LRRC8B: variants seen among roughly 807,000 people sequenced by gnomAD.
The protein encoded by LRRC8B is volume-regulated anion channel subunit LRRC8B.
Under a neutral mutation model 58.8 loss-of-function variants are expected in LRRC8B, and 23 were observed. The ratio of observed to expected loss-of-function variants is 0.39; its 90% CI spans 0.28 to 0.55. The LOEUF (loss-of-function observed/expected upper bound fraction) is 0.55. LRRC8B is among the 20% of genes least tolerant of loss of function. The pLI is 0.62. For synonymous variants in LRRC8B, 359 were observed against 374.1 expected, an observed-to-expected ratio of 0.96 and a Z score of 0.47; for missense variants, 694 against 936.0, an observed-to-expected ratio of 0.74 and a Z score of 3.37.
intron 5 of LRRC8B, among the ~76,000 whole-genome samples, chr1:89,588,504 A>G (rs1654780495): frequency 6.6e-6 from 1 of 152,220 alleles, no homozygotes; most frequent in South Asian, 2.1e-4. Context: ...AGAGGACTGA[A>G]AAAAACATAA....
chr1:89,577,698 A>G (rs966491938), intron 3 of LRRC8B, among the ~76,000 whole-genome samples: 3 of 152,192 alleles, frequency 2.0e-5, no homozygotes, highest in Admixed American at 6.5e-5. Flanking sequence ...TCCAGATGCT[A>G]TATATTTAAA....
chr1:89,538,705 T>C (rs1301897890), intron 1 of LRRC8B, among the ~76,000 whole-genome samples: 2 of 150,274 alleles, frequency 1.3e-5, no homozygotes, highest in Admixed American at 6.8e-5. Flanking sequence ...AATTAGCATC[T>C]TCGAGGTTTT....
At chr1:89,587,803 A>G (rs1654729828) in intron 5 of LRRC8B, 1 of 152,314 alleles carries the variant, frequency 6.6e-6, no homozygotes, top group South Asian at 2.1e-4. Flanking sequence ...CCAAGCTTGG[A>G]AAACAATCAG....
At chr1:89,575,810 G>A (rs527858002) in intron 3 of LRRC8B, among the ~76,000 whole-genome samples, 30 of 152,160 alleles carry the variant, frequency 2.0e-4, no homozygotes, top group Admixed American at 3.9e-4. Context: ...CTGCCTCTCC[G>A]TGGACCTCTT....
rs1188298506 is a variant in LRRC8B, at chr1:89,595,083, T to C, written c.*2040T>C. ...TGAATAATATTAGCTATCAGGAATA[T>C]AGGACACCAAACACACTGCCTCACA... On this transcript the variant is annotated 3_prime_UTR_variant, in exon 6 of 6. Coordinates refer to ENST00000330947, the MANE Select transcript of LRRC8B (RefSeq NM_001369817.2). 1.3e-5 allele frequency: 2 copies of C among 152,192 alleles called. No individual in the cohort carries two copies. Among genetic ancestry groups the C allele is most frequent in the African/African-American group, 4.8e-5 (2 of 41,450 alleles). 9.4% of individuals were successfully genotyped at this position (152,192 alleles called of 1,614,324 possible).
In LRRC8B at chr1:89,583,892, T is replaced by G; in HGVS notation, c.1242T>G (p.Leu414=). The G allele has an allele frequency of 6.2e-7, 1 of 1,614,172 alleles. No homozygotes were observed. Among genetic ancestry groups the G allele is most frequent in the Non-Finnish European group, 8.5e-7 (1 of 1,180,024 alleles). Residue 414 remains leucine (L), a synonymous_variant, in exon 5 of 6, where the codon CTT becomes CTG. Coordinates refer to ENST00000330947, the MANE Select transcript of LRRC8B (RefSeq NM_001369817.2). The surrounding 1 kb of genome is among the most constrained non-coding windows in gnomAD (Gnocchi z 5.2). ...CAGTTGAGAAACTGAAAAGTAAGCTTGTGAAAAATGCCCAGGACAAGATAG... is the reference window on the plus strand; with the variant it reads ...CAGTTGAGAAACTGAAAAGTAAGCTGGTGAAAAATGCCCAGGACAAGATAG... ...EWTVEKLKSK[L]VKNAQDKIEL... is the part of the protein sequence containing the mutation.
At chr1:89,555,187 A>T (rs1217075655) in intron 1 of LRRC8B, among the ~76,000 whole-genome samples, 3 of 152,096 alleles carry the variant, frequency 2.0e-5, no homozygotes, top group Non-Finnish European at 4.4e-5. Flanking sequence ...ATTCTATGTG[A>T]TTCATATTAG....
At chr1:89,588,667 C>T (rs540164777) in intron 5 of LRRC8B, among the ~76,000 whole-genome samples, 96 of 152,200 alleles carry the variant, frequency 6.3e-4, no homozygotes, top group Middle Eastern at 3.4e-3. Flanking sequence ...CTGGTACCTT[C>T]AAAGGAGGCT....
intron 1 of LRRC8B, among the ~76,000 whole-genome samples, chr1:89,531,461 G>A (rs1436823995): frequency 6.6e-6 from 1 of 152,196 alleles, no homozygotes; most frequent in African/African-American, 2.4e-5. Context: ...AACAGGTAAT[G>A]GTGGTAAATC....
At chr1:89,537,811 G>C (rs1650649221) in intron 1 of LRRC8B, among the ~76,000 whole-genome samples, 1 of 152,156 alleles carries the variant, frequency 6.6e-6, no homozygotes, top group Non-Finnish European at 1.5e-5. Context: ...GAGGGAGCTT[G>C]TTTGCCTCTC....
chr1:89,536,707 G>T (rs80196804), intron 1 of LRRC8B, among the ~76,000 whole-genome samples: 2,424 of 152,272 alleles, frequency 0.016, 25 homozygotes, highest in Non-Finnish European at 0.026. Flanking sequence ...TCTTGTTGGG[G>T]ATTAGGTAGT....
Position 89,593,220 on chromosome 1 carries a change from C to T in LRRC8B, c.*177C>T, listed in dbSNP as rs954761819. On this transcript the variant is annotated 3_prime_UTR_variant, in exon 6 of 6. Coordinates refer to ENST00000330947, the MANE Select transcript of LRRC8B (RefSeq NM_001369817.2). ...TGAAACCCCATCTCTGCTAAAACTA[C>T]AAAAAAATTAGCCAGGCGTGGTGGC... 4 of 595,392 alleles carry T rather than the reference C, an allele frequency of 6.7e-6. No individual in the cohort carries two copies. Among genetic ancestry groups the T allele is most frequent in the Non-Finnish European group, 1.2e-5 (4 of 343,980 alleles). The allele number at this position is 595,392 out of a possible 1,614,324, so 36.9% of individuals were successfully genotyped here. A position where few individuals can be genotyped will look rare whatever the true frequency, so the allele number is the denominator to read the frequency against.
At chr1:89,539,558 G>A (rs1650799154) in intron 1 of LRRC8B, among the ~76,000 whole-genome samples, 1 of 152,154 alleles carries the variant, frequency 6.6e-6, no homozygotes, top group African/African-American at 2.4e-5. Flanking sequence ...AGTCATGAAG[G>A]TGAAGAAAGA....
In LRRC8B at chr1:89,593,429, A is replaced by G. The variant is rs1655122274; in HGVS notation, c.*386A>G. The G allele has an allele frequency of 6.1e-6, 1 of 163,488 alleles. No individual in the cohort carries two copies. Among genetic ancestry groups the G allele is most frequent in the Admixed American group, 5.8e-5 (1 of 17,226 alleles). The allele number at this position is 163,488 out of a possible 1,614,324, so 10.1% of individuals were successfully genotyped here. A position where few individuals can be genotyped will look rare whatever the true frequency, so the allele number is the denominator to read the frequency against. ...CTTTAAATGAGAAGTAAAATTTTCT[A>G]AGTTAATAAAGATGAAGAATGGGTG... On this transcript the variant is annotated 3_prime_UTR_variant, in exon 6 of 6. Coordinates refer to ENST00000330947, the MANE Select transcript of LRRC8B (RefSeq NM_001369817.2).
intron 3 of LRRC8B, among the ~76,000 whole-genome samples, 173 bp from the exon 4 acceptor site, chr1:89,579,418 C>A (rs2101046865): frequency 6.6e-6 from 1 of 152,282 alleles, no homozygotes; most frequent in Non-Finnish European, 1.5e-5. Flanking sequence ...GTGGCTCACA[C>A]CTGTAATCCC....
At chr1:89,569,497 G>A (rs151276708) in intron 3 of LRRC8B, among the ~76,000 whole-genome samples, 38 of 152,142 alleles carry the variant, frequency 2.5e-4, no homozygotes, top group African/African-American at 8.9e-4. Context: ...CCCAGTGTCT[G>A]TTGTTCCCAT....
At chr1:89,528,195 C>T (rs1355268862) in intron 1 of LRRC8B, among the ~76,000 whole-genome samples, 1 of 152,140 alleles carries the variant, frequency 6.6e-6, no homozygotes, top group East Asian at 1.9e-4. Flanking sequence ...GCCTATTCTT[C>T]AGCTAACAAG....
chr1:89,593,110 C>T lies in LRRC8B; in HGVS notation c.*67C>T. The T allele has an allele frequency of 1.3e-6, 2 of 1,517,430 alleles. No individual in the cohort carries two copies. The highest frequency in any genetic ancestry group is 9.0e-7 in the Non-Finnish European group (1 of 1,108,644). 94.0% of individuals were successfully genotyped at this position (1,517,430 alleles called of 1,614,324 possible). Reference sequence around the variant, plus strand: ...GTATGCTCGGCCGGGCGTGGTGGCTCATGCCTATAATCCCAGCACTTTGGG... The same window carrying T: ...GTATGCTCGGCCGGGCGTGGTGGCTTATGCCTATAATCCCAGCACTTTGGG... On this transcript the variant is annotated 3_prime_UTR_variant, in exon 6 of 6. Coordinates refer to ENST00000330947, the MANE Select transcript of LRRC8B (RefSeq NM_001369817.2).
At chr1:89,586,994 A>G (rs1251594487) in intron 5 of LRRC8B, among the ~76,000 whole-genome samples, 1 of 152,188 alleles carries the variant, frequency 6.6e-6, no homozygotes, top group Non-Finnish European at 1.5e-5. Flanking sequence ...GTCTTCAGAT[A>G]TTTGAAAAAT....
Sources: gnomAD v4.1 joint callset for allele counts (sites outside exome capture counted in the v4.1 genomes callset) on GRCh38, gnomAD v4.1.1 for gene constraint, Gnocchi (gnomAD v3.1) non-coding constraint, MANE v1.5 for transcripts, NCBI Gene and HGNC (gene_info 2026-07-23, HGNC 2026-07-21) for gene names.